RAB30: variants seen among roughly 807,000 people sequenced by gnomAD.
RAB30 encodes RAB30, member RAS oncogene family.
In RAB30, 9 loss-of-function variants were observed where a neutral mutation model predicts 25.1. That is an observed-to-expected ratio of 0.36 (90% CI 0.22 to 0.63). The LOEUF (loss-of-function observed/expected upper bound fraction) is 0.63. RAB30 is among the 20% of genes least tolerant of loss of function. The pLI, the probability that RAB30 is intolerant of heterozygous loss-of-function variation, is 0.69. For missense variants in RAB30, 140 were observed against 243.5 expected (o/e 0.58, Z 2.83); for synonymous variants, 77 against 86.4 (o/e 0.89, Z 0.60).
chr11:83,066,779 T>C (rs1459035556), intron 1 of RAB30, among the ~76,000 whole-genome samples: 3 of 152,228 alleles, frequency 2.0e-5, no homozygotes, highest in Non-Finnish European at 4.4e-5. Flanking sequence ...CTTGAACTCC[T>C]GACCTCAGGT....
rs528900146 is a variant in RAB30 at position 83,007,636 on chromosome 11, G to T, written c.-8-10312C>A. Among the ~76,000 whole-genome samples the T allele has an allele frequency of 7.9e-5, 12 of 152,226 alleles. 1 individual carries two copies. The South Asian group carries it at 2.5e-3, about 32-fold the overall frequency. On this transcript the variant is annotated intron_variant, in intron 1 of 4. Transcript: ENST00000527633. Reference sequence around the variant, plus strand: ...CATCCCTACACTAAGCACAGATTTGGTTTTCCACATATAGGTGAGAAGAGA... The same window carrying T: ...CATCCCTACACTAAGCACAGATTTGTTTTTCCACATATAGGTGAGAAGAGA...
chr11:82,974,712 T>TGG lies in RAB30; in HGVS notation c.*7451_*7452dup, dbSNP rs1017612382. 3 of 152,082 alleles carry TGG rather than the reference T, an allele frequency of 2.0e-5. No homozygotes were observed. The highest frequency in any genetic ancestry group is 4.4e-5 in the Non-Finnish European group (3 of 67,990). The allele number at this position is 152,082 out of a possible 1,614,324, so 9.4% of individuals were successfully genotyped here. Reference sequence around the variant, plus strand: ...TGTTTCAATGGAGTGATAGGAAATGTGGGGGAGATCAAGGATTCTCTAAGT... The same window carrying TGG: ...TGTTTCAATGGAGTGATAGGAAATGTGGGGGGGAGATCAAGGATTCTCTAAGT... On this transcript the variant is annotated 3_prime_UTR_variant, in exon 5 of 5. Transcript: ENST00000527633.
At chr11:83,068,081 GC>G (rs1275965321) in intron 1 of RAB30, among the ~76,000 whole-genome samples, 4 of 148,786 alleles carry the variant, frequency 2.7e-5, no homozygotes, top group African/African-American at 1.0e-4. Flanking sequence ...CTGTGATCAT[GC>G]CACTGCACTT....
rs756764732 is a variant in RAB30, at chr11:82,987,782, T to C, written c.178-12A>G. 6.4e-7 allele frequency: 1 copy of C among 1,569,704 alleles called. No individual in the cohort carries two copies. Among genetic ancestry groups the C allele is most frequent in the Non-Finnish European group, 8.7e-7 (1 of 1,148,640 alleles). On this transcript the variant is annotated splice_polypyrimidine_tract_variant and intron_variant, in intron 3 of 4. Transcript: ENST00000527633. ...TCCCAGATCTGTAGCTGTAAAGGCA[T>C]AAGATAAGAATCAGGTGAAGAAGGA... is the stretch of plus-strand genomic sequence containing the variant.
intron 1 of RAB30, among the ~76,000 whole-genome samples, chr11:83,070,812 CT>C (rs1416495127): frequency 6.6e-6 from 1 of 152,226 alleles, no homozygotes; most frequent in East Asian, 1.9e-4. Flanking sequence ...GCGCTTCTAA[CT>C]TTCCCTTTCT....
intron 1 of RAB30, among the ~76,000 whole-genome samples, chr11:83,007,438 C>A (rs1478542763): frequency 6.6e-6 from 1 of 152,174 alleles, no homozygotes; most frequent in African/African-American, 2.4e-5. Flanking sequence ...TTATTTTATT[C>A]TTCATATATT....
intron 4 of RAB30, among the ~76,000 whole-genome samples, chr11:82,982,673 C>T (rs1565265924): frequency 6.6e-6 from 1 of 152,066 alleles, no homozygotes. Context: ...ACTAGCCTGG[C>T]CAATATGGTG....
chr11:82,988,291 C>G (rs142030127), intron 3 of RAB30, among the ~76,000 whole-genome samples: 2 of 152,210 alleles, frequency 1.3e-5, no homozygotes, highest in African/African-American at 4.8e-5. Context: ...CCCGTTCTTA[C>G]TCACAATGCC....
intron 1 of RAB30, among the ~76,000 whole-genome samples, chr11:83,065,751 C>CTTAT (rs1358890844): frequency 6.6e-6 from 1 of 152,128 alleles, no homozygotes; most frequent in Non-Finnish European, 1.5e-5. Context: ...AAACAGCTAC[C>CTTAT]ATGAGCACCA....
Position 82,987,781 on chromosome 11 carries a change from A to G in RAB30, c.178-11T>C, listed in dbSNP as rs961729637. ...GTCCCAGATCTGTAGCTGTAAAGGCATAAGATAAGAATCAGGTGAAGAAGG... is the reference window on the plus strand; with the variant it reads ...GTCCCAGATCTGTAGCTGTAAAGGCGTAAGATAAGAATCAGGTGAAGAAGG... On this transcript the variant is annotated splice_polypyrimidine_tract_variant and intron_variant, in intron 3 of 4. Transcript: ENST00000527633. 9.5e-6 allele frequency: 15 copies of G among 1,574,684 alleles called. No homozygotes were observed. The highest frequency in any genetic ancestry group is 1.3e-5 in the Non-Finnish European group (15 of 1,151,556).
intron 1 of RAB30, among the ~76,000 whole-genome samples, chr11:83,033,974 C>T (rs1857933684): frequency 6.6e-6 from 1 of 152,176 alleles, no homozygotes; most frequent in South Asian, 2.1e-4. Flanking sequence ...GCCAGGAAAC[C>T]TCCATCTGTC....
At chr11:83,033,055 C>CCTTTTTTTTTTTTTTTTTTTTTTTT (rs1565284142) in intron 1 of RAB30, among the ~76,000 whole-genome samples, 1 of 77,864 alleles carries the variant, frequency 1.3e-5, no homozygotes, top group Non-Finnish European at 2.5e-5. Flanking sequence ...GCCTCAAATT[C>CCTTTTTTTTTTTTTTTTTTTTTTTT]TTTTTTTTTT....
intron 1 of RAB30, among the ~76,000 whole-genome samples, chr11:83,027,369 T>C (rs1857747225): frequency 6.6e-6 from 1 of 152,086 alleles, no homozygotes; most frequent in African/African-American, 2.4e-5. Context: ...CTACAGAAGG[T>C]AGAGTGCAAA....
At chr11:83,005,426 T>C (rs956372796) in intron 1 of RAB30, among the ~76,000 whole-genome samples, 1 of 152,178 alleles carries the variant, frequency 6.6e-6, no homozygotes, top group African/African-American at 2.4e-5. Context: ...ATCAAATGGG[T>C]ATTAATATTC....
intron 1 of RAB30, among the ~76,000 whole-genome samples, chr11:83,063,564 T>A (rs4944423): frequency 6.6e-6 from 1 of 151,996 alleles, no homozygotes; most frequent in South Asian, 2.1e-4. Flanking sequence ...ACACATCAAC[T>A]TTTATTACCA....
At chr11:82,988,767 A>C (rs1227087380) in intron 3 of RAB30, among the ~76,000 whole-genome samples, 1 of 152,180 alleles carries the variant, frequency 6.6e-6, no homozygotes, top group East Asian at 1.9e-4. Flanking sequence ...GAACATCAAC[A>C]AAAACAATAA....
At chr11:83,024,586 G>A (rs560640205) in intron 1 of RAB30, among the ~76,000 whole-genome samples, 1 of 152,146 alleles carries the variant, frequency 6.6e-6, no homozygotes, top group Admixed American at 6.5e-5. Context: ...ACAAGTGAAG[G>A]CAGTACAATT....
intron 1 of RAB30, among the ~76,000 whole-genome samples, chr11:83,024,412 T>A (rs947933422): frequency 6.6e-6 from 1 of 152,172 alleles, no homozygotes; most frequent in Non-Finnish European, 1.5e-5. Context: ...GCCAGTGCCC[T>A]CTGGACTCTA....
intron 1 of RAB30, among the ~76,000 whole-genome samples, chr11:83,019,518 A>C (rs1857516301): frequency 1.3e-5 from 2 of 150,150 alleles, no homozygotes; most frequent in East Asian, 2.0e-4. Context: ...ACAAACCCCC[A>C]CTCCCCTGCC....
Sources: gnomAD v4.1 joint callset for allele counts (sites outside exome capture counted in the v4.1 genomes callset) on GRCh38, gnomAD v4.1.1 for gene constraint, MANE v1.5 for transcripts, NCBI Gene and HGNC (gene_info 2026-07-23, HGNC 2026-07-21) for gene names.